NAALADL1: variants seen among roughly 807,000 people sequenced by gnomAD.
NAALADL1 encodes aminopeptidase NAALADL1.
In NAALADL1, 77 loss-of-function variants were observed where a neutral mutation model predicts 82.8. The observed-to-expected ratio is 0.93, with a 90% confidence interval of 0.77 to 1.12. The LOEUF (loss-of-function observed/expected upper bound fraction) is 1.12, where lower values mean the gene tolerates loss of function less well. NAALADL1 is among the 50% of genes most tolerant of loss of function. The probability of loss-of-function intolerance (pLI) is 0.00; values close to 1 mark genes in which losing one functional copy is unlikely to be tolerated. For synonymous variants in NAALADL1, 358 were observed against 399.2 expected (o/e 0.90, Z 1.23); for missense variants, 956 against 964.0 (o/e 0.99, Z 0.11).
chr11:65,058,203 T>C lies in NAALADL1; in HGVS notation c.233A>G (p.Asp78Gly). The change falls in exon 2 of 18, where the codon GAC (aspartate) becomes GGC (glycine). Residue 78 changes from aspartate (D) to glycine (G), a missense_variant. Coordinates refer to ENST00000358658, the MANE Select transcript of NAALADL1 (RefSeq NM_005468.3). ...GCGCTGCAGCAGCAGCTGCACCAGG[T>C]CCTCATCCCGAGGGCTGGAGGCCAG... is the stretch of plus-strand genomic sequence containing the variant. ...PHLASSPRDE[D>G]LVQLLLQRWK... The C allele has an allele frequency of 6.2e-7, 1 of 1,613,688 alleles. No homozygotes were observed.
At chr11:65,057,192 G>A (rs1029220252) in intron 4 of NAALADL1, among the ~76,000 whole-genome samples, 179 bp downstream of exon 4, 11 of 152,146 alleles carry the variant, frequency 7.2e-5, no homozygotes, top group Admixed American at 1.3e-4. Context: ...GGAGGCATCC[G>A]AGGCCACACA....
rs1425842073 is a variant in NAALADL1 at position 65,047,967 on chromosome 11, C to T, written c.1416+14G>A. ...CCCAGCTAGTTCAGCCCCGCCCGGCCTGCCCCCTTCCACCTCTTTGGTTGC... is the reference window on the plus strand; with the variant it reads ...CCCAGCTAGTTCAGCCCCGCCCGGCTTGCCCCCTTCCACCTCTTTGGTTGC... On this transcript the variant is annotated intron_variant, in intron 11 of 17. Coordinates refer to ENST00000358658, the MANE Select transcript of NAALADL1 (RefSeq NM_005468.3). 6.2e-7 allele frequency: 1 copy of T among 1,600,992 alleles called. No homozygotes were observed. The highest frequency in any genetic ancestry group is 1.7e-5 in the Admixed American group (1 of 58,142).
intron 8 of NAALADL1, among the ~76,000 whole-genome samples, chr11:65,049,583 G>A (rs978829916): frequency 1.2e-4 from 18 of 152,150 alleles, no homozygotes; most frequent in African/African-American, 3.1e-4. Context: ...TTGCTATCAA[G>A]GTCATCACTG....
At chr11:65,052,254 C>T (rs1312698595) in intron 8 of NAALADL1, among the ~76,000 whole-genome samples, 5 of 152,156 alleles carry the variant, frequency 3.3e-5, no homozygotes, top group African/African-American at 1.2e-4. Flanking sequence ...CCCACAGCAT[C>T]TCCAGCCCTG....
intron 8 of NAALADL1, among the ~76,000 whole-genome samples, chr11:65,051,080 A>C (rs554451491): frequency 6.6e-6 from 1 of 152,200 alleles, no homozygotes; most frequent in Admixed American, 6.6e-5. Flanking sequence ...CTATTTTTAC[A>C]TCTCTGTAAG....
In NAALADL1 at chr11:65,045,369, C is replaced by T; in HGVS notation, c.2125G>A (p.Gly709Arg). ...ACSRARDTASGSEAWAEVQRQ... is the reference protein window; with the variant it reads ...ACSRARDTASRSEAWAEVQRQ... ...TGGACCTCAGCCCAAGCTTCAGATC[C>T]AGAAGCTGTGTCCCTGGCCCTGGAG... The change falls in exon 18 of 18, where the codon GGA (glycine) becomes AGA (arginine). Residue 709 changes from glycine (G) to arginine (R), a missense_variant. Coordinates refer to ENST00000358658, the MANE Select transcript of NAALADL1 (RefSeq NM_005468.3). 6.2e-7 allele frequency: 1 copy of T among 1,612,104 alleles called. No homozygotes were observed. The highest frequency in any genetic ancestry group is 8.5e-7 in the Non-Finnish European group (1 of 1,179,292).
At position 65,058,127 on chromosome 11, in the gene NAALADL1, T is replaced by A. The variant is rs146841688; in HGVS notation, c.309A>T (p.Glu103Asp). ...CCTGGCTAGGGAAGGACAGCAGCAC[T>A]TCGTACGTGGAGGCCTCGGCCGAGT... ...GLDSAEASTYEVLLSFPSQEQ... is the reference protein window; with the variant it reads ...GLDSAEASTYDVLLSFPSQEQ... Residue 103 changes from glutamate (E) to aspartate (D), a missense_variant, in exon 2 of 18, where the codon GAA becomes GAT. Coordinates refer to ENST00000358658, the MANE Select transcript of NAALADL1 (RefSeq NM_005468.3). 250 of 1,613,670 alleles carry A rather than the reference T, an allele frequency of 1.5e-4. 1 individual carries two copies. In the East Asian group the frequency reaches 3.5e-3, roughly 23 times the overall value.
intron 13 of NAALADL1, among the ~76,000 whole-genome samples, chr11:65,046,884 G>C (rs898863631): frequency 3.9e-5 from 6 of 152,104 alleles, no homozygotes; most frequent in African/African-American, 1.4e-4. Flanking sequence ...GGTGCCAGCT[G>C]GGCACTCTGC....
rs1272795006 is a variant in NAALADL1 at position 65,058,368 on chromosome 11, G to A, written c.154C>T (p.Leu52=). 1 of 1,614,076 alleles carries A rather than the reference G, an allele frequency of 6.2e-7. No individual in the cohort carries two copies. The highest frequency in any genetic ancestry group is 8.5e-7 in the Non-Finnish European group (1 of 1,180,020). The change falls in exon 1 of 18, where the codon CTG becomes TTG. Residue 52 remains leucine (L), a synonymous_variant. Transcript: ENST00000358658. ...TTCTCCCGGATCCTGTGGGCATCCA[G>A]CTGCCCCATGACGGTCTCCAGGATC... ...LEILETVMGQ[L]DAHRIRENLR...
At chr11:65,049,525 C>T (rs965314449) in intron 8 of NAALADL1, among the ~76,000 whole-genome samples, 1 of 152,060 alleles carries the variant, frequency 6.6e-6, no homozygotes, top group Non-Finnish European at 1.5e-5. Flanking sequence ...AACTAGTAAC[C>T]AGATCACTAG....
chr11:65,045,041 C>T lies in NAALADL1; in HGVS notation c.*230G>A, dbSNP rs572118027. ...CACCAAGGGCAGTTGGTGGTTTTGC[C>T]ATCCCATCCCTGTCCCCTGCTGCCC... On this transcript the variant is annotated 3_prime_UTR_variant, in exon 18 of 18. Transcript: ENST00000358658. The T allele has an allele frequency of 4.0e-5, 25 of 621,710 alleles. 1 individual carries two copies. In the South Asian group the frequency reaches 5.0e-4, roughly 12 times the overall value. 38.5% of individuals were successfully genotyped at this position (621,710 alleles called of 1,614,324 possible).
rs1176130689 is a variant in NAALADL1 at position 65,046,311 on chromosome 11, C to A, written c.1733G>T (p.Arg578Leu). Reference protein sequence around the residue: ...VARTAGSVILRLSDSFFLPLK... With the variant: ...VARTAGSVILLLSDSFFLPLK... ...GGGCAGGAAGAAGCTGTCACTGAGCCGGAGAATCACACTCCCCGCTGTCCG... is the reference window on the plus strand; with the variant it reads ...GGGCAGGAAGAAGCTGTCACTGAGCAGGAGAATCACACTCCCCGCTGTCCG... Residue 578 changes from arginine to leucine, a missense_variant, in exon 15 of 18, where the codon CGG becomes CTG. Physicochemically the swap from Arg to Leu is moderately radical, Grantham distance 102. Transcript: ENST00000358658. The A allele has an allele frequency of 6.2e-7, 1 of 1,614,184 alleles. No homozygotes were observed. Among genetic ancestry groups the A allele is most frequent in the African/African-American group, 1.3e-5 (1 of 75,060 alleles).
chr11:65,047,800 G>A, intron 11 of NAALADL1, 62 bp from the exon 12 acceptor site: 2 of 1,524,126 alleles, frequency 1.3e-6, no homozygotes, highest in Non-Finnish European at 1.8e-6. Context: ...AACAGGGCGG[G>A]TTCTCCACCG....
intron 9 of NAALADL1, 28 bp downstream of exon 9, chr11:65,048,272 C>A (rs1206998774): frequency 1.9e-6 from 3 of 1,614,000 alleles, no homozygotes; most frequent in Non-Finnish European, 2.5e-6. Context: ...GAACCCCTTT[C>A]GATCCCCTAC....
At chr11:65,059,315 T>C (rs1295286769), upstream of NAALADL1, among the ~76,000 whole-genome samples, 1 of 152,164 alleles carries the variant, frequency 6.6e-6, no homozygotes, top group Non-Finnish European at 1.5e-5. Flanking sequence ...CCGGCTATGG[T>C]GTCATTTTCA....
rs1165860179 is a variant in NAALADL1 at position 65,045,210 on chromosome 11, C to T, written c.*61G>A. On this transcript the variant is annotated 3_prime_UTR_variant, in exon 18 of 18. Coordinates refer to ENST00000358658, the MANE Select transcript of NAALADL1 (RefSeq NM_005468.3). ...CTGGCACCAAGGAAGACCAGGACAT[C>T]TCAGGAAAGCAGGCAGGAGAGGGTT... The T allele has an allele frequency of 1.3e-6, 2 of 1,557,466 alleles. No homozygotes were observed. The highest frequency in any genetic ancestry group is 2.7e-5 in the African/African-American group (2 of 73,886).
Position 65,047,564 on chromosome 11 carries a change from A to C in NAALADL1, c.1510T>G (p.Leu504Val), listed in dbSNP as rs1214807729. 1.3e-6 allele frequency: 2 copies of C among 1,572,116 alleles called. No homozygotes were observed. Among genetic ancestry groups the C allele is most frequent in the Non-Finnish European group, 1.7e-6 (2 of 1,158,946 alleles). The change falls in exon 13 of 18, where the codon TTG (leucine) becomes GTG (valine). Residue 504 changes from leucine to valine, a missense_variant and splice_region_variant. Leu to Val is a conservative substitution (Grantham distance 32, BLOSUM62 1). Coordinates refer to ENST00000358658, the MANE Select transcript of NAALADL1 (RefSeq NM_005468.3). ...SSPVYGLVPSLGSLGAGSDYA... is the reference protein window; with the variant it reads ...SSPVYGLVPSVGSLGAGSDYA... ...TCGCTGCCAGCACCCAGAGAACCCA[A>C]GCTGCGGGAAGGAAGGGGGCCGGGA... is the stretch of plus-strand genomic sequence containing the variant.
chr11:65,047,599 C>G, intron 12 of NAALADL1, 34 bp from the exon 13 acceptor site: 6 of 1,577,896 alleles, frequency 3.8e-6, no homozygotes, highest in Non-Finnish European at 5.2e-6. Context: ...ATAAAGAGCG[C>G]TGGGCCGGAC....
Position 65,045,374 on chromosome 11 carries a change from G to A in NAALADL1, c.2120C>T (p.Ala707Val). The A allele has an allele frequency of 1.2e-6, 2 of 1,612,448 alleles. No homozygotes were observed. The highest frequency in any genetic ancestry group is 1.7e-6 in the Non-Finnish European group (2 of 1,179,438). ...CTCAGCCCAAGCTTCAGATCCAGAAGCTGTGTCCCTGGCCCTGGAGCAGGC... is the reference window on the plus strand; with the variant it reads ...CTCAGCCCAAGCTTCAGATCCAGAAACTGTGTCCCTGGCCCTGGAGCAGGC... ...SNACSRARDT[A>V]SGSEAWAEVQ... The change falls in exon 18 of 18, where the codon GCT (alanine) becomes GTT (valine). Residue 707 changes from alanine to valine, a missense_variant. Coordinates refer to ENST00000358658, the MANE Select transcript of NAALADL1 (RefSeq NM_005468.3).
Sources: allele counts gnomAD v4.1 joint callset (sites outside exome capture counted in the v4.1 genomes callset), GRCh38; gene constraint gnomAD v4.1.1; transcripts MANE v1.5; gene names NCBI Gene and HGNC (gene_info 2026-07-23, HGNC 2026-07-21).